AOX1: variants seen among roughly 807,000 people sequenced by gnomAD.
AOX1 encodes aldehyde oxidase.
A neutral mutation model predicts 169.5 loss-of-function variants in AOX1; 153 were observed. That is an observed-to-expected ratio of 0.90 (90% CI 0.79 to 1.03). The LOEUF is 1.03. Among genes scored for constraint, AOX1 ranks in the 50% least tolerant of loss-of-function variants. The pLI is 0.00. For synonymous variants in AOX1, 562 were observed against 581.9 expected (o/e 0.97, Z 0.49); for missense variants, 1,656 against 1,663.9 (o/e 1.00, Z 0.08).
chr2:200,646,297 C>T (rs2035451096), intron 25 of AOX1, among the ~76,000 whole-genome samples: 1 of 152,042 alleles, frequency 6.6e-6, no homozygotes, highest in Admixed American at 6.6e-5. Context: ...TTTTAATTTC[C>T]ATTTGATTTC....
chr2:200,613,760 A>G, intron 14 of AOX1, 44 bp from the exon 15 acceptor site: 1 of 1,577,948 alleles, frequency 6.3e-7, no homozygotes, highest in Non-Finnish European at 8.6e-7. Context: ...GATATGGGGT[A>G]ATAAACCCTG....
Position 200,623,989 on chromosome 2 carries a change from G to C in AOX1, c.2124+6G>C. The C allele has an allele frequency of 6.2e-7, 1 of 1,613,428 alleles. No homozygotes were observed. Among genetic ancestry groups the C allele is most frequent in the Non-Finnish European group, 8.5e-7 (1 of 1,179,414 alleles). On this transcript the variant is annotated splice_donor_region_variant and intron_variant, in intron 19 of 34. Coordinates refer to ENST00000374700, the MANE Select transcript of AOX1 (RefSeq NM_001159.4). ...CGCTGATACTAACAATTGAGGTAAT[G>C]AGTTCTGTGGAATGGTGGTGCCAGT...
chr2:200,590,771 A>G (rs183886422), intron 1 of AOX1, among the ~76,000 whole-genome samples: 1 of 152,302 alleles, frequency 6.6e-6, no homozygotes, highest in African/African-American at 2.4e-5. Flanking sequence ...CTGTCTATCC[A>G]TTAAAACGGG....
chr2:200,588,644 C>T (rs765771618), intron 1 of AOX1, among the ~76,000 whole-genome samples: 9 of 151,026 alleles, frequency 6.0e-5, no homozygotes, highest in Non-Finnish European at 1.0e-4. Flanking sequence ...TTTCCTTCTC[C>T]TCCCTTCTAA....
intron 16 of AOX1, among the ~76,000 whole-genome samples, chr2:200,619,013 T>A (rs74505358): frequency 6.6e-6 from 1 of 152,170 alleles, no homozygotes; most frequent in Admixed American, 6.5e-5. Flanking sequence ...CCATTTTAGA[T>A]GGATTCAAGT....
rs376607547 is a variant in AOX1 at position 200,656,371 on chromosome 2, T to C, written c.3076-471T>C. 2.0e-5 allele frequency among the ~76,000 whole-genome samples: 3 copies of C among 152,218 alleles called. No individual in the cohort carries two copies. In the East Asian group the frequency reaches 5.8e-4, roughly 29 times the overall value. ...CTGATTATAAGAGTCTTTAATGCTG[T>C]TAGCAGTCTGGTTCCTTCTGGATCC... On this transcript the variant is annotated intron_variant, in intron 26 of 34. Coordinates refer to ENST00000374700, the MANE Select transcript of AOX1 (RefSeq NM_001159.4).
intron 26 of AOX1, among the ~76,000 whole-genome samples, chr2:200,654,772 G>T (rs1006416875): frequency 6.6e-6 from 1 of 152,214 alleles, no homozygotes; most frequent in African/African-American, 2.4e-5. Flanking sequence ...TATGTTGGAG[G>T]ACCATCTACT....
At chr2:200,611,750 A>C (rs930601931) in intron 13 of AOX1, among the ~76,000 whole-genome samples, 3 of 147,576 alleles carry the variant, frequency 2.0e-5, no homozygotes, top group Non-Finnish European at 3.0e-5. Context: ...TTTTGCCCAC[A>C]CTGGAGTGCA....
chr2:200,605,541 G>T lies in AOX1; in HGVS notation c.820G>T (p.Glu274Ter). 6.5e-7 allele frequency: 1 copy of T among 1,529,574 alleles called. No homozygotes were observed. 94.8% of individuals were successfully genotyped at this position (1,529,574 alleles called of 1,614,324 possible). A position where few individuals can be genotyped will look rare whatever the true frequency, so the allele number is the denominator to read the frequency against. Residue 274 changes from glutamate (E) to a stop codon, truncating the protein, a stop_gained, in exon 10 of 35, where the codon GAA becomes TAA. Coordinates refer to ENST00000374700, the MANE Select transcript of AOX1 (RefSeq NM_001159.4). LOFTEE classifies it high-confidence loss of function. ...TTTTTTTTTTGATCCTTTAGGGCCTGAAGTGAAATTTAAAGGCGTCTTTCA... is the reference window on the plus strand; with the variant it reads ...TTTTTTTTTTGATCCTTTAGGGCCTTAAGTGAAATTTAAAGGCGTCTTTCA... ...VIMGNTSVGP[E>*]VKFKGVFHPV...
chr2:200,642,495 A>G, intron 24 of AOX1, 115 bp from the exon 25 acceptor site: 1 of 683,374 alleles, frequency 1.5e-6, no homozygotes, highest in Non-Finnish European at 2.4e-6. Context: ...ATATTTTAGC[A>G]TGTTAGATGA....
chr2:200,650,425 T>C (rs934560729), intron 25 of AOX1, among the ~76,000 whole-genome samples: 1 of 152,224 alleles, frequency 6.6e-6, no homozygotes. Flanking sequence ...TGGCACCTTT[T>C]ATTCTCAGCT....
chr2:200,646,594 T>C (rs1435942187), intron 25 of AOX1, among the ~76,000 whole-genome samples: 1 of 152,218 alleles, frequency 6.6e-6, no homozygotes, highest in Non-Finnish European at 1.5e-5. Context: ...AAGGTATAGT[T>C]TAAATCCATT....
chr2:200,627,421 A>G lies in AOX1; in HGVS notation c.2193A>G (p.Ala731=). The change falls in exon 20 of 35, where the codon GCA becomes GCG. Residue 731 remains alanine (A), a synonymous_variant. Coordinates refer to ENST00000374700, the MANE Select transcript of AOX1 (RefSeq NM_001159.4). The part of the protein sequence containing the change: ...RKLEYGNVDE[A]FKVVDQILEG... Reference sequence around the variant, plus strand: ...TGGAATATGGAAATGTTGACGAAGCATTTAAAGTGGTTGATCAAATTCTTG... The same window carrying G: ...TGGAATATGGAAATGTTGACGAAGCGTTTAAAGTGGTTGATCAAATTCTTG... The G allele has an allele frequency of 1.2e-6, 2 of 1,613,780 alleles. No individual in the cohort carries two copies. The highest frequency in any genetic ancestry group is 1.7e-6 in the Non-Finnish European group (2 of 1,179,678).
chr2:200,658,850 C>T (rs2035748293), intron 27 of AOX1, among the ~76,000 whole-genome samples: 1 of 152,150 alleles, frequency 6.6e-6, no homozygotes, highest in African/African-American at 2.4e-5. Flanking sequence ...GGAGAAGCCT[C>T]AAAGATGTCA....
rs766277206 is a variant in AOX1 at position 200,593,174 on chromosome 2, C to G, written c.74C>G (p.Thr25Arg). 5 of 1,613,712 alleles carry G rather than the reference C, an allele frequency of 3.1e-6. No homozygotes were observed. The South Asian group carries it at 5.5e-5, about 18-fold the overall frequency. Reference protein sequence around the residue: ...KVIEKNVDPETMLLPYLRKKL... With the variant: ...KVIEKNVDPERMLLPYLRKKL... ...ATAGAAAAAAATGTCGATCCTGAAACAATGCTGTTGCCTTATTTGAGGAAG... is the reference window on the plus strand; with the variant it reads ...ATAGAAAAAAATGTCGATCCTGAAAGAATGCTGTTGCCTTATTTGAGGAAG... Residue 25 changes from threonine to arginine, a missense_variant, in exon 2 of 35, where the codon ACA becomes AGA. Physicochemically the swap from Thr to Arg is moderately conservative, Grantham distance 71 (BLOSUM62 -1). Transcript: ENST00000374700.
At position 200,662,964 on chromosome 2, in the gene AOX1, C is replaced by T; in HGVS notation, c.3538C>T (p.His1180Tyr). The T allele has an allele frequency of 1.9e-6, 3 of 1,613,598 alleles. No individual in the cohort carries two copies. The highest frequency in any genetic ancestry group is 2.5e-6 in the Non-Finnish European group (3 of 1,179,524). ...TGAAATAGACTGCCTGACGGGGGATCATAAGGTCAGTACCGGTTGGAAAGG... is the reference window on the plus strand; with the variant it reads ...TGAAATAGACTGCCTGACGGGGGATTATAAGGTCAGTACCGGTTGGAAAGG... ...EVEIDCLTGD[H>Y]KNIRTDIVMD... Residue 1180 changes from histidine to tyrosine, a missense_variant, in exon 31 of 35, where the codon CAT becomes TAT. Coordinates refer to ENST00000374700, the MANE Select transcript of AOX1 (RefSeq NM_001159.4).
rs373893064 is a variant in AOX1, at chr2:200,662,957, G to A, written c.3531G>A (p.Thr1177=). ...CCGAGGTTGAAATAGACTGCCTGAC[G>A]GGGGATCATAAGGTCAGTACCGGTT... ...ACSEVEIDCL[T]GDHKNIRTDI... The change falls in exon 31 of 35, where the codon ACG becomes ACA. Residue 1177 remains threonine (T), a synonymous_variant. Coordinates refer to ENST00000374700, the MANE Select transcript of AOX1 (RefSeq NM_001159.4). The A allele has an allele frequency of 1.6e-5, 26 of 1,613,722 alleles. No homozygotes were observed. The highest frequency in any genetic ancestry group is 6.7e-5 in the African/African-American group (5 of 74,904).
rs572100671 is a variant in AOX1, at chr2:200,590,563, AAACAAC to A, written c.46-2562_46-2557del. On this transcript the variant is annotated intron_variant, in intron 1 of 34. Transcript: ENST00000374700. ...TCCAAATACAACCCTCACTACATCA[AAACAAC>A]AACAACAACAACAACAACAAAACAC... is the stretch of plus-strand genomic sequence containing the variant. Among the ~76,000 whole-genome samples the A allele has an allele frequency of 6.6e-5, 10 of 151,932 alleles. 1 individual carries two copies. Among genetic ancestry groups the A allele is most frequent in the Admixed American group, 3.9e-4 (6 of 15,266 alleles).
rs868361107 is a variant in AOX1, at chr2:200,657,165, A to T, written c.3171+228A>T. ...ATAGGGAGATTCCATCTCTACCAAA[A>T]ATATATATATATATATATATATATA... On this transcript the variant is annotated intron_variant, in intron 27 of 34. Coordinates refer to ENST00000374700, the MANE Select transcript of AOX1 (RefSeq NM_001159.4). 5.4e-3 allele frequency among the ~76,000 whole-genome samples: 477 copies of T among 88,070 alleles called. 4 individuals are homozygous for T. The highest frequency in any genetic ancestry group is 0.024 in the African/African-American group (445 of 18,868). The allele number at this position is 88,070 out of a possible 152,430, so 57.8% of individuals were successfully genotyped here.
Sources: gnomAD v4.1 joint callset for allele counts (sites outside exome capture counted in the v4.1 genomes callset) on GRCh38, gnomAD v4.1.1 for gene constraint, MANE v1.5 for transcripts, NCBI Gene and HGNC (gene_info 2026-07-23, HGNC 2026-07-21) for gene names.